The following ERC1 variants were observed in gnomAD, a reference collection of about 807,000 sequenced individuals.
ERC1 encodes ELKS/RAB6-interacting/CAST family member 1, also known as RAB6 interacting protein 2.
Under a neutral mutation model 132.0 loss-of-function variants are expected in ERC1, and 56 were observed. The ratio of observed to expected loss-of-function variants is 0.42; its 90% CI spans 0.34 to 0.53. The LOEUF is 0.53. Ranked by LOEUF, ERC1 falls within the 20% of genes least tolerant of loss-of-function variation. ERC1 has a pLI of 0.03. For synonymous variants in ERC1, 478 were observed against 476.1 expected, an observed-to-expected ratio of 1.00 and a Z score of -0.05; for missense variants, 1,202 against 1,349.9, an observed-to-expected ratio of 0.89 and a Z score of 1.72.
chr12:1,360,134 G>A (rs1026696499), intron 15 of ERC1, among the ~76,000 whole-genome samples: 27 of 152,250 alleles, frequency 1.8e-4, no homozygotes, highest in African/African-American at 6.5e-4. Context: ...GAGGCTTATT[G>A]TAATTTCTTA....
rs111314194 is a variant in ERC1 at position 1,335,217 on chromosome 12, A to C, written c.2781-36616A>C. Among the ~76,000 whole-genome samples the C allele has an allele frequency of 7.9e-3, 1,194 of 152,030 alleles. 9 individuals carry two copies. Among genetic ancestry groups the C allele is most frequent in the African/African-American group, 0.025 (1,035 of 41,440 alleles). ...CTCTCTTCCCATTTGGATACCCTTTATTTCTTTCTTTTGCCTGATTGCCCT... is the reference window on the plus strand; with the variant it reads ...CTCTCTTCCCATTTGGATACCCTTTCTTTCTTTCTTTTGCCTGATTGCCCT... On this transcript the variant is annotated intron_variant, in intron 15 of 18. Transcript: ENST00000360905.
At chr12:1,429,022 A>G (rs577591825) in intron 17 of ERC1, among the ~76,000 whole-genome samples, 1 of 152,352 alleles carries the variant, frequency 6.6e-6, no homozygotes, top group South Asian at 2.1e-4. Context: ...CTTGCTCTAT[A>G]CAATATTCAA....
intron 14 of ERC1, among the ~76,000 whole-genome samples, chr12:1,265,744 C>G (rs1185561252): frequency 6.6e-6 from 1 of 152,172 alleles, no homozygotes; most frequent in East Asian, 1.9e-4. Flanking sequence ...TCTCCCCAGT[C>G]CGTGATCTTT....
intron 7 of ERC1, among the ~76,000 whole-genome samples, chr12:1,126,973 T>G (rs10773930): frequency 1.6e-5 from 2 of 128,272 alleles, no homozygotes; most frequent in African/African-American, 6.8e-5. Context: ...GGCGACAGAG[T>G]GAGATTCTGT....
intron 2 of ERC1, among the ~76,000 whole-genome samples, chr12:1,076,339 T>G (rs981060945): frequency 6.6e-6 from 1 of 152,086 alleles, no homozygotes; most frequent in Admixed American, 6.6e-5. Flanking sequence ...TTTTGGCCAG[T>G]TGGGATTTAA....
rs540102175 is a variant in ERC1 at position 1,223,337 on chromosome 12, C to T, written c.2352-13432C>T. Among the ~76,000 whole-genome samples, 57 of 152,298 alleles carry T rather than the reference C, an allele frequency of 3.7e-4. No homozygotes were observed. In the South Asian group the frequency reaches 0.012, roughly 32 times the overall value. ...AGACAGAGGCTTAGAGCAGCAATAA[C>T]AAAGTAAATATGGGCAAAGCCTGCC... On this transcript the variant is annotated intron_variant, in intron 12 of 18. Transcript: ENST00000360905.
chr12:1,292,122 C>T (rs1024676128), intron 15 of ERC1, among the ~76,000 whole-genome samples: 3 of 152,158 alleles, frequency 2.0e-5, no homozygotes, highest in African/African-American at 4.8e-5. Flanking sequence ...TTCGACACTG[C>T]CCTGCATTCA....
intron 18 of ERC1, among the ~76,000 whole-genome samples, chr12:1,483,953 C>G (rs1222779718): frequency 6.6e-6 from 1 of 151,772 alleles, no homozygotes; most frequent in Non-Finnish European, 1.5e-5. Flanking sequence ...CTCGGCCTCC[C>G]TGAGTGCTGG....
chr12:1,487,544 A>AAAAAAAAAAAAC (rs2094244577), intron 18 of ERC1, among the ~76,000 whole-genome samples: 1 of 151,166 alleles, frequency 6.6e-6, no homozygotes, highest in Admixed American at 6.6e-5. Flanking sequence ...ACCTCTAAAA[A>AAAAAAAAAAAAC]AGAAAAAGAA....
intron 17 of ERC1, among the ~76,000 whole-genome samples, chr12:1,433,815 G>T (rs1440358404): frequency 2.0e-5 from 3 of 152,084 alleles, no homozygotes; most frequent in African/African-American, 4.8e-5. Context: ...TGTATGTTGT[G>T]TATATTTGGG....
At chr12:1,451,627 AAAATTAAAAAT>A (rs1375779110) in intron 18 of ERC1, among the ~76,000 whole-genome samples, 2 of 152,190 alleles carry the variant, frequency 1.3e-5, no homozygotes, top group Admixed American at 6.5e-5. Context: ...CCTGTCTCAG[AAAATTAAAAAT>A]AAATTAAAAA....
At chr12:1,245,385 A>G (rs1271226692) in intron 13 of ERC1, among the ~76,000 whole-genome samples, 2 of 152,098 alleles carry the variant, frequency 1.3e-5, no homozygotes, top group South Asian at 4.2e-4. Flanking sequence ...TTCTTTTGTC[A>G]CTTCTTTTGT....
intron 12 of ERC1, among the ~76,000 whole-genome samples, chr12:1,214,998 C>T (rs1214304192): frequency 6.6e-6 from 1 of 152,110 alleles, no homozygotes; most frequent in Non-Finnish European, 1.5e-5. Context: ...CCTCACATCC[C>T]TTGGGAGACC....
intron 8 of ERC1, among the ~76,000 whole-genome samples, chr12:1,159,646 C>T (rs1044589863): frequency 1.5e-4 from 23 of 152,266 alleles, no homozygotes; most frequent in Admixed American, 4.6e-4. Flanking sequence ...CAATATCCTA[C>T]GTGAAGTATT....
intron 8 of ERC1, among the ~76,000 whole-genome samples, chr12:1,149,881 A>C (rs539424773): frequency 2.1e-4 from 32 of 152,338 alleles, no homozygotes; most frequent in African/African-American, 7.0e-4. Flanking sequence ...GTGAGGTATT[A>C]GGAATGACAT....
intron 2 of ERC1, among the ~76,000 whole-genome samples, chr12:1,030,643 C>T (rs118060984): frequency 0.034 from 5,244 of 152,184 alleles, 95 homozygotes; most frequent in Middle Eastern, 0.061. Flanking sequence ...ATCACCTGAG[C>T]CTGGGAGGTC....
Position 1,027,850 on chromosome 12 carries a change from T to G in ERC1, c.-54T>G. ...TAGAGACACCTCACAAGGTTCCCAT[T>G]TTTGTTGTTGTTGTTGTTGATTTTC... On this transcript the variant is annotated 5_prime_UTR_variant, in exon 2 of 19. In the 5' UTR this introduces an upstream ATG that the reference lacks. Coordinates refer to ENST00000360905, the MANE Select transcript of ERC1 (RefSeq NM_178040.4). 5.4e-6 allele frequency: 8 copies of G among 1,486,230 alleles called. No individual in the cohort carries two copies. Among genetic ancestry groups the G allele is most frequent in the South Asian group, 1.3e-5 (1 of 77,526 alleles). 92.1% of individuals were successfully genotyped at this position (1,486,230 alleles called of 1,614,324 possible). A position where few individuals can be genotyped will look rare whatever the true frequency, so the allele number is the denominator to read the frequency against.
intron 7 of ERC1, among the ~76,000 whole-genome samples, chr12:1,131,269 A>G (rs1948734664): frequency 6.6e-6 from 1 of 152,136 alleles, no homozygotes; most frequent in Non-Finnish European, 1.5e-5. Flanking sequence ...GGAGGAGGAA[A>G]TGACAGAGGA....
rs572520976 is a variant in ERC1 at position 1,186,393 on chromosome 12, G to A, written c.2157+2972G>A. On this transcript the variant is annotated intron_variant, in intron 11 of 18. Coordinates refer to ENST00000360905, the MANE Select transcript of ERC1 (RefSeq NM_178040.4). Reference sequence around the variant, plus strand: ...AAGGAACAAAATCTTTGCCTCCAGTGTATGAGTACTGAGGTTTTAATAATG... The same window carrying A: ...AAGGAACAAAATCTTTGCCTCCAGTATATGAGTACTGAGGTTTTAATAATG... Among the ~76,000 whole-genome samples the A allele has an allele frequency of 4.6e-5, 7 of 152,316 alleles. No homozygotes were observed. The South Asian group carries it at 1.0e-3, about 23-fold the overall frequency.
Sources: gnomAD v4.1 joint callset for allele counts (sites outside exome capture counted in the v4.1 genomes callset) on GRCh38, gnomAD v4.1.1 for gene constraint, MANE v1.5 for transcripts, NCBI Gene and HGNC (gene_info 2026-07-23, HGNC 2026-07-21) for gene names.